FRMD4B: variants seen among roughly 807,000 people sequenced by gnomAD.
The protein encoded by FRMD4B is FERM domain-containing protein 4B.
FRMD4B carries 74 observed loss-of-function variants against 141.5 expected under a neutral mutation model. That is an observed-to-expected ratio of 0.52 (90% CI 0.43 to 0.63). The LOEUF (loss-of-function observed/expected upper bound fraction) is 0.63. Ranked by LOEUF, FRMD4B falls within the 30% of genes least tolerant of loss-of-function variation. FRMD4B has a pLI of 0.00. For synonymous variants in FRMD4B, 506 were observed against 467.9 expected (o/e 1.08, Z -1.05); for missense variants, 1,366 against 1,253.4 (o/e 1.09, Z -1.36).
At chr3:69,519,574 A>T (rs1700819118) in intron 1 of FRMD4B, among the ~76,000 whole-genome samples, 1 of 152,100 alleles carries the variant, frequency 6.6e-6, no homozygotes, top group Non-Finnish European at 1.5e-5. Context: ...TTCTCTACCT[A>T]GACCCTTTCC....
In FRMD4B at chr3:69,313,436, T is replaced by G; in HGVS notation, c.228+16A>C. Reference sequence around the variant, plus strand: ...GCAAGACTTATCTGGGCAACACACATGTGGGCCACACCTACCTGAACCAGC... The same window carrying G: ...GCAAGACTTATCTGGGCAACACACAGGTGGGCCACACCTACCTGAACCAGC... On this transcript the variant is annotated intron_variant, in intron 2 of 22. Coordinates refer to ENST00000398540, the MANE Select transcript of FRMD4B (RefSeq NM_015123.3). 6.5e-7 allele frequency: 1 copy of G among 1,549,208 alleles called. No homozygotes were observed. The highest frequency in any genetic ancestry group is 1.7e-4 in the Middle Eastern group (1 of 5,966).
At chr3:69,283,854 C>T (rs2093655111) in intron 5 of FRMD4B, among the ~76,000 whole-genome samples, 1 of 151,934 alleles carries the variant, frequency 6.6e-6, no homozygotes, top group African/African-American at 2.4e-5. Context: ...ATGCTGGGAA[C>T]ATTTTACTTT....
chr3:69,257,078 A>T (rs1575663759), intron 5 of FRMD4B, among the ~76,000 whole-genome samples: 1 of 152,198 alleles, frequency 6.6e-6, no homozygotes, highest in East Asian at 1.9e-4. Flanking sequence ...AACTAAAAAC[A>T]TCTGTAGACA....
chr3:69,348,278 A>G (rs1267392622), intron 1 of FRMD4B, among the ~76,000 whole-genome samples: 4 of 152,268 alleles, frequency 2.6e-5, no homozygotes, highest in Non-Finnish European at 5.9e-5. Flanking sequence ...CCAAGAATAA[A>G]CCTGGAAGAA....
At chr3:69,333,365 C>A (rs1702442868) in intron 1 of FRMD4B, among the ~76,000 whole-genome samples, 1 of 152,028 alleles carries the variant, frequency 6.6e-6, no homozygotes, top group African/African-American at 2.4e-5. Context: ...AAAGGGAATC[C>A]CGTGGTGCAG....
intron 1 of FRMD4B, among the ~76,000 whole-genome samples, chr3:69,314,227 T>TAAAAA (rs59090061): frequency 1.8e-5 from 2 of 109,228 alleles, no homozygotes; most frequent in African/African-American, 7.4e-5. Flanking sequence ...AATGTTTTAT[T>TAAAAA]AAAAAAAAAA....
chr3:69,204,511 A>G (rs1232823861), intron 11 of FRMD4B, among the ~76,000 whole-genome samples: 2 of 152,216 alleles, frequency 1.3e-5, no homozygotes, highest in Non-Finnish European at 2.9e-5. Flanking sequence ...TCCCTCTGCT[A>G]TTATTACGTG....
At chr3:69,446,940 G>A (rs897161724) in intron 1 of FRMD4B, among the ~76,000 whole-genome samples, 2 of 152,138 alleles carry the variant, frequency 1.3e-5, no homozygotes, top group Non-Finnish European at 2.9e-5. Context: ...GAAGTGAAGG[G>A]CTCAGAGTCT....
chr3:69,269,304 T>G (rs1300037381), intron 5 of FRMD4B, among the ~76,000 whole-genome samples: 17 of 151,806 alleles, frequency 1.1e-4, no homozygotes, highest in Non-Finnish European at 1.5e-5. Context: ...CAAGAAACAT[T>G]TATTAAGTGC....
chr3:69,289,470 CG>C (rs1700803260), intron 4 of FRMD4B, among the ~76,000 whole-genome samples: 1 of 152,132 alleles, frequency 6.6e-6, no homozygotes, highest in Admixed American at 6.5e-5. Context: ...TCCACTGCCC[CG>C]GACACTGTAA....
In FRMD4B at chr3:69,520,546, A is replaced by G. The variant is rs969275310; in HGVS notation, c.-129+21660T>C. ...CTATACCACAGGTCTCTCTCTTTCT[A>G]TCCTGGGGCTTGGCATGGGATGGCT... On this transcript the variant is annotated intron_variant, in intron 1 of 5. Coordinates refer to the FRMD4B transcript ENST00000459638. 5.3e-5 allele frequency among the ~76,000 whole-genome samples: 8 copies of G among 151,416 alleles called. No individual in the cohort carries two copies. In the South Asian group the frequency reaches 1.7e-3, roughly 32 times the overall value.
chr3:69,260,780 C>A (rs890015942), intron 5 of FRMD4B, among the ~76,000 whole-genome samples: 4 of 152,248 alleles, frequency 2.6e-5, no homozygotes, highest in Admixed American at 6.5e-5. Flanking sequence ...CAACAATCAG[C>A]ACTCTGTGTC....
intron 2 of FRMD4B, among the ~76,000 whole-genome samples, chr3:69,412,901 C>A (rs1048488464): frequency 8.5e-6 from 1 of 117,234 alleles, no homozygotes; most frequent in Non-Finnish European, 1.6e-5. Flanking sequence ...TTCCCAGTTC[C>A]TTGAAGTTGG....
intron 1 of FRMD4B, chr3:69,536,815 C>T (rs1451021270): frequency 4.4e-5 from 17 of 390,738 alleles, no homozygotes; most frequent in African/African-American, 8.4e-5. Flanking sequence ...GGCACTATCA[C>T]GGCTCACTGC....
Position 69,386,038 on chromosome 3 carries a change from G to A in FRMD4B, c.-49C>T. 1 of 1,428,564 alleles carries A rather than the reference G, an allele frequency of 7.0e-7. No homozygotes were observed. Among genetic ancestry groups the A allele is most frequent in the Non-Finnish European group, 9.3e-7 (1 of 1,077,280 alleles). 88.5% of individuals were successfully genotyped at this position (1,428,564 alleles called of 1,614,324 possible). On this transcript the variant is annotated 5_prime_UTR_variant, in exon 1 of 23. Transcript: ENST00000398540. Reference sequence around the variant, plus strand: ...GGGCGTCCCGGCTCTCGTACGTGCAGCCCCGACCCCAGCGGCCTGCCCGCC... The same window carrying A: ...GGGCGTCCCGGCTCTCGTACGTGCAACCCCGACCCCAGCGGCCTGCCCGCC...
intron 19 of FRMD4B, 145 bp from the exon 20 acceptor site, chr3:69,182,862 C>A: frequency 1.4e-6 from 1 of 732,364 alleles, no homozygotes; most frequent in Non-Finnish European, 2.2e-6. Flanking sequence ...TTGTGGTTCA[C>A]TAAACCACAA....
At chr3:69,451,976 T>C (rs1361836782) in intron 1 of FRMD4B, among the ~76,000 whole-genome samples, 1 of 152,252 alleles carries the variant, frequency 6.6e-6, no homozygotes, top group Admixed American at 6.5e-5. Context: ...TAAATGGATT[T>C]CTTCTTTGCA....
intron 2 of FRMD4B, among the ~76,000 whole-genome samples, chr3:69,430,930 G>A (rs553100428): frequency 6.6e-6 from 1 of 152,230 alleles, no homozygotes; most frequent in South Asian, 2.1e-4. Flanking sequence ...CAATATTTTT[G>A]GAAGCTCACT....
At chr3:69,417,221 C>T (rs1356922254) in intron 2 of FRMD4B, among the ~76,000 whole-genome samples, 2 of 152,150 alleles carry the variant, frequency 1.3e-5, no homozygotes, top group Non-Finnish European at 2.9e-5. Flanking sequence ...CTGTTGTTTC[C>T]TGACTTTTTA....
Sources: allele counts gnomAD v4.1 joint callset (sites outside exome capture counted in the v4.1 genomes callset), GRCh38; gene constraint gnomAD v4.1.1; transcripts MANE v1.5; gene names NCBI Gene and HGNC (gene_info 2026-07-23, HGNC 2026-07-21).